CAMK2D: variants seen among roughly 807,000 people sequenced by gnomAD.
CAMK2D encodes the protein calcium/calmodulin-dependent protein kinase type II subunit delta.
CAMK2D carries 37 observed loss-of-function variants against 84.0 expected under a neutral mutation model. The ratio of observed to expected loss-of-function variants is 0.44; its 90% confidence interval spans 0.34 to 0.58. The LOEUF (loss-of-function observed/expected upper bound fraction) is 0.58, where lower values mean the gene tolerates loss of function less well. CAMK2D is among the 20% of genes least tolerant of loss of function. CAMK2D has a pLI of 0.02. For synonymous variants in CAMK2D, 202 were observed against 212.5 expected (o/e 0.95, Z 0.43); for missense variants, 448 against 652.5 (o/e 0.69, Z 3.41).
At chr4:113,662,409 A>T (rs1235036601) in intron 2 of CAMK2D, among the ~76,000 whole-genome samples, 1 of 152,192 alleles carries the variant, frequency 6.6e-6, no homozygotes, top group African/African-American at 2.4e-5. Flanking sequence ...TTATCTTAAT[A>T]TTCTTCTTTG....
chr4:113,537,232 G>A, intron 7 of CAMK2D, 109 bp downstream of exon 7: 1 of 590,266 alleles, frequency 1.7e-6, no homozygotes, highest in Middle Eastern at 2.7e-4. Context: ...TAGTCAAATT[G>A]TTATTAGGAT....
intron 3 of CAMK2D, among the ~76,000 whole-genome samples, chr4:113,630,725 T>C (rs537929089): frequency 6.6e-6 from 1 of 152,282 alleles, no homozygotes; most frequent in Non-Finnish European, 1.5e-5. Flanking sequence ...ATGGAAAGTC[T>C]GTGCAAAATC....
At chr4:113,675,880 T>C (rs905457421) in intron 2 of CAMK2D, among the ~76,000 whole-genome samples, 1 of 152,236 alleles carries the variant, frequency 6.6e-6, no homozygotes, top group Non-Finnish European at 1.5e-5. Context: ...CCAAGATCTG[T>C]ACAGCTTCTA....
At chr4:113,505,238 G>A (rs369447816) in intron 13 of CAMK2D, among the ~76,000 whole-genome samples, 1 of 152,144 alleles carries the variant, frequency 6.6e-6, no homozygotes, top group East Asian at 1.9e-4. Flanking sequence ...TGTCCGTGAT[G>A]GTGCAATGAG....
At chr4:113,577,080 C>T (rs1327821515) in intron 4 of CAMK2D, among the ~76,000 whole-genome samples, 3 of 151,964 alleles carry the variant, frequency 2.0e-5, no homozygotes, top group Non-Finnish European at 4.4e-5. Context: ...GTTCTCCTTC[C>T]CCTCCCCCCA....
chr4:113,464,123 T>C (rs1426403475), intron 17 of CAMK2D, among the ~76,000 whole-genome samples: 1 of 152,244 alleles, frequency 6.6e-6, no homozygotes, highest in African/African-American at 2.4e-5. Flanking sequence ...GTCACCATTG[T>C]CCTGCAGTAT....
chr4:113,526,050 A>C (rs753084128), intron 8 of CAMK2D, among the ~76,000 whole-genome samples: 11 of 152,242 alleles, frequency 7.2e-5, no homozygotes, highest in Non-Finnish European at 1.5e-4. Flanking sequence ...GATATATAAT[A>C]AAATGGTAAA....
chr4:113,577,748 C>T (rs1267553904), intron 4 of CAMK2D, among the ~76,000 whole-genome samples: 1 of 111,922 alleles, frequency 8.9e-6, no homozygotes, highest in Non-Finnish European at 1.9e-5. Context: ...TTGGGCTCTT[C>T]GTATACTATT....
rs541510641 is a variant in CAMK2D at position 113,571,567 on chromosome 4, T to A, written c.276-19471A>T. The stretch of plus-strand genomic sequence containing the variant: ...AAATACTGCATGATCTAACTTATAA[T>A]GTGCAGTTTAAAAAAGTCAAACTCG... On this transcript the variant is annotated intron_variant, in intron 4 of 20. Transcript: ENST00000511664. Among the ~76,000 whole-genome samples, 49 of 152,260 alleles carry A rather than the reference T, an allele frequency of 3.2e-4. 2 individuals carry two copies. In the South Asian group the frequency reaches 9.1e-3, roughly 28 times the overall value.
intron 2 of CAMK2D, among the ~76,000 whole-genome samples, chr4:113,715,295 C>G (rs1234882284): frequency 6.6e-6 from 1 of 151,974 alleles, no homozygotes; most frequent in South Asian, 2.1e-4. Context: ...CAGTATGAAA[C>G]CTTTTAACAG....
chr4:113,619,620 T>C (rs1340009654), intron 3 of CAMK2D, among the ~76,000 whole-genome samples: 1 of 152,208 alleles, frequency 6.6e-6, no homozygotes, highest in Admixed American at 6.5e-5. Flanking sequence ...ATGTTTCCTC[T>C]GCCTGGAATT....
chr4:113,543,953 C>T lies in CAMK2D; in HGVS notation c.414+3691G>A, dbSNP rs1019101006. On this transcript the variant is annotated intron_variant, in intron 6 of 20. Transcript: ENST00000511664. ...ACTATAGGCGCCCGCCACCACGCCC[C>T]GCTAATTTTTTGTATTTTTAGTAGT... Among the ~76,000 whole-genome samples the T allele has an allele frequency of 4.6e-5, 7 of 151,882 alleles. No individual in the cohort carries two copies. The South Asian group carries it at 6.2e-4, about 13-fold the overall frequency.
chr4:113,744,480 T>C (rs139282829), intron 2 of CAMK2D, among the ~76,000 whole-genome samples: 1 of 152,176 alleles, frequency 6.6e-6, no homozygotes, highest in Non-Finnish European at 1.5e-5. Context: ...CCTAATTTCC[T>C]TCATACCTTT....
intron 2 of CAMK2D, among the ~76,000 whole-genome samples, chr4:113,735,652 AATG>A (rs2099579688): frequency 6.6e-6 from 1 of 152,188 alleles, no homozygotes; most frequent in East Asian, 1.9e-4. Flanking sequence ...GTAGTAATAA[AATG>A]ATGTTCAAAA....
At chr4:113,597,121 T>G (rs2098930943) in intron 4 of CAMK2D, among the ~76,000 whole-genome samples, 1 of 152,008 alleles carries the variant, frequency 6.6e-6, no homozygotes, top group African/African-American at 2.4e-5. Flanking sequence ...CCTGGCCGGG[T>G]CCTAAAATTT....
intron 2 of CAMK2D, among the ~76,000 whole-genome samples, chr4:113,676,210 A>C (rs749041218): frequency 4.1e-4 from 62 of 152,144 alleles, no homozygotes; most frequent in Non-Finnish European, 5.9e-4. Flanking sequence ...AACAGACACA[A>C]GGATAACTGG....
chr4:113,532,664 C>T (rs1281644383), intron 7 of CAMK2D, among the ~76,000 whole-genome samples: 1 of 152,170 alleles, frequency 6.6e-6, no homozygotes. Flanking sequence ...AGTGAGAAAT[C>T]GATGCTAATG....
chr4:113,576,301 G>C (rs530177767), intron 4 of CAMK2D, among the ~76,000 whole-genome samples: 1 of 152,068 alleles, frequency 6.6e-6, no homozygotes, highest in East Asian at 1.9e-4. Context: ...TTATTGGCAC[G>C]TTTGCTTCTA....
intron 5 of CAMK2D, among the ~76,000 whole-genome samples, chr4:113,548,499 C>G (rs1416769924): frequency 6.6e-6 from 1 of 152,132 alleles, no homozygotes; most frequent in Non-Finnish European, 1.5e-5. Flanking sequence ...GATGAGCAAA[C>G]TGGAAGAGGC....
Sources: allele counts gnomAD v4.1 joint callset (sites outside exome capture counted in the v4.1 genomes callset), GRCh38; gene constraint gnomAD v4.1.1; transcripts MANE v1.5; gene names NCBI Gene and HGNC (gene_info 2026-07-23, HGNC 2026-07-21).